Variants in ZPBP observed in about 807,000 individuals in gnomAD.
The protein encoded by ZPBP is zona pellucida-binding protein 1.
A neutral mutation model predicts 44.8 loss-of-function variants in ZPBP; 26 were observed. The observed-to-expected ratio is 0.58, with a 90% CI of 0.43 to 0.81. ZPBP has a LOEUF of 0.81. Ranked by LOEUF, ZPBP falls within the 30% of genes least tolerant of loss-of-function variation. The probability of loss-of-function intolerance (pLI) is 0.00; values close to 1 mark genes in which losing one functional copy is unlikely to be tolerated. For missense variants in ZPBP, 409 were observed against 434.0 expected, an observed-to-expected ratio of 0.94 and a Z score of 0.51; for synonymous variants, 174 against 153.2, an observed-to-expected ratio of 1.14 and a Z score of -1.00.
the ZPBP span, among the ~76,000 whole-genome samples, chr7:49,843,433 A>C: frequency 6.6e-6 from 1 of 152,180 alleles, no homozygotes; most frequent in African/African-American, 2.4e-5. Context: ...TATATGTGCC[A>C]ATTTCTTATT....
intron 2 of ZPBP, among the ~76,000 whole-genome samples, chr7:49,878,877 A>G (rs1209222705): frequency 6.6e-6 from 1 of 152,194 alleles, no homozygotes; most frequent in Non-Finnish European, 1.5e-5. Flanking sequence ...GCTGCAACAG[A>G]AGAGCTCAGT....
chr7:49,871,377 C>T (rs2128723360), intron 2 of ZPBP, among the ~76,000 whole-genome samples: 2 of 152,158 alleles, frequency 1.3e-5, no homozygotes, highest in South Asian at 4.2e-4. Flanking sequence ...TATAACATTG[C>T]TTTTAATAAG....
the ZPBP span, among the ~76,000 whole-genome samples, chr7:49,843,287 G>A: frequency 6.6e-6 from 1 of 152,022 alleles, no homozygotes; most frequent in Admixed American, 6.6e-5. Flanking sequence ...TTTTCTCATG[G>A]GTGAGCCCCT....
At position 50,065,307 on chromosome 7, in the gene ZPBP, C is replaced by T. The variant is rs1801445406; in HGVS notation, c.335-7166G>A. ...CATGTTCAACAGATCTAATACAGGC[C>T]AGAGGGTGCCTTCCAAGCATTTGGA... On this transcript the variant is annotated intron_variant, in intron 3 of 7. Coordinates refer to ENST00000046087, the MANE Select transcript of ZPBP (RefSeq NM_007009.3). 2.0e-5 allele frequency among the ~76,000 whole-genome samples: 3 copies of T among 150,810 alleles called. 1 individual carries two copies. The highest frequency in any genetic ancestry group is 7.4e-5 in the African/African-American group (3 of 40,686).
downstream of ZPBP, among the ~76,000 whole-genome samples, chr7:49,845,839 T>C (rs1163850670): frequency 2.0e-5 from 3 of 152,144 alleles, no homozygotes; most frequent in Non-Finnish European, 4.4e-5. Context: ...CAAACAGCAA[T>C]GCAGGAAGGA....
intron 6 of ZPBP, among the ~76,000 whole-genome samples, chr7:50,010,477 A>T (rs1798518754): frequency 6.6e-6 from 1 of 151,902 alleles, no homozygotes; most frequent in Non-Finnish European, 1.5e-5. Context: ...AAAATTACTA[A>T]AACGTTATCA....
intron 7 of ZPBP, among the ~76,000 whole-genome samples, chr7:49,952,265 G>A (rs947632776): frequency 6.6e-6 from 1 of 151,920 alleles, no homozygotes; most frequent in Non-Finnish European, 1.5e-5. Context: ...CGTTTGATCT[G>A]TGGACCAATA....
chr7:49,902,488 GT>G, intron 1 of ZPBP, among the ~76,000 whole-genome samples: 1 of 148,284 alleles, frequency 6.7e-6, no homozygotes, highest in East Asian at 2.0e-4. Context: ...TGAAAGGGTA[GT>G]TTTTTGTTTG....
intron 2 of ZPBP, among the ~76,000 whole-genome samples, chr7:49,860,076 T>C (rs1028159147): frequency 6.6e-6 from 1 of 152,148 alleles, no homozygotes; most frequent in Non-Finnish European, 1.5e-5. Flanking sequence ...ACTTTTGTTA[T>C]TTTTTTAAGC....
chr7:49,982,605 T>A (rs1250681721), intron 7 of ZPBP, among the ~76,000 whole-genome samples: 2 of 151,294 alleles, frequency 1.3e-5, no homozygotes, highest in Non-Finnish European at 3.0e-5. Flanking sequence ...TTCTCAGCCA[T>A]CAGAATCGTG....
chr7:50,058,889 C>T (rs1412981921), intron 3 of ZPBP, among the ~76,000 whole-genome samples: 1 of 152,180 alleles, frequency 6.6e-6, no homozygotes, highest in Non-Finnish European at 1.5e-5. Context: ...TTGAGACCTA[C>T]CTTTCCCTCT....
intron 4 of ZPBP, among the ~76,000 whole-genome samples, chr7:50,043,166 T>TCGTCC (rs1554380956): frequency 6.6e-6 from 1 of 152,240 alleles, no homozygotes; most frequent in East Asian, 1.9e-4. Flanking sequence ...ATCCCTTGTT[T>TCGTCC]CGTCCCATCC....
intron 7 of ZPBP, among the ~76,000 whole-genome samples, chr7:49,947,345 G>A (rs530262134): frequency 6.6e-6 from 1 of 152,204 alleles, no homozygotes; most frequent in East Asian, 1.9e-4. Flanking sequence ...CCCTGGGAAG[G>A]CCTTCTAGGT....
intron 7 of ZPBP, among the ~76,000 whole-genome samples, chr7:49,973,636 T>A (rs368144756): frequency 4.6e-4 from 70 of 152,136 alleles, no homozygotes; most frequent in African/African-American, 1.6e-3. Context: ...AAGTCCACAA[T>A]GAGGAACACT....
chr7:50,090,424 T>G (rs1802893615), intron 1 of ZPBP, among the ~76,000 whole-genome samples: 1 of 151,988 alleles, frequency 6.6e-6, no homozygotes. Context: ...GCAAGTGCCA[T>G]TAATCCATTC....
At chr7:50,007,533 C>G (rs1798361841) in intron 6 of ZPBP, among the ~76,000 whole-genome samples, 1 of 151,994 alleles carries the variant, frequency 6.6e-6, no homozygotes, top group African/African-American at 2.4e-5. Flanking sequence ...TAGACTCATT[C>G]TATGAGGCCA....
At chr7:49,982,665 C>G (rs1797082731) in intron 7 of ZPBP, among the ~76,000 whole-genome samples, 1 of 151,604 alleles carries the variant, frequency 6.6e-6, no homozygotes, top group South Asian at 2.1e-4. Context: ...CAAGTATTCT[C>G]TTATGGCAAT....
intron 7 of ZPBP, among the ~76,000 whole-genome samples, chr7:49,956,132 T>C (rs1034148476): frequency 1.3e-5 from 2 of 152,248 alleles, no homozygotes; most frequent in Admixed American, 6.5e-5. Flanking sequence ...AGAAGGACAG[T>C]TGAAAGAAAC....
downstream of ZPBP, among the ~76,000 whole-genome samples, chr7:49,847,738 G>A (rs182749717): frequency 6.6e-6 from 1 of 152,156 alleles, no homozygotes; most frequent in East Asian, 1.9e-4. Flanking sequence ...TTGGCTACTT[G>A]GAGTGATTTC....
Sources: gnomAD v4.1 joint callset for allele counts (sites outside exome capture counted in the v4.1 genomes callset) on GRCh38, gnomAD v4.1.1 for gene constraint, MANE v1.5 for transcripts, NCBI Gene and HGNC (gene_info 2026-07-23, HGNC 2026-07-21) for gene names.